The following WDFY3 variants were observed in gnomAD, a reference collection of about 807,000 sequenced individuals.
WDFY3 encodes WD repeat and FYVE domain-containing protein 3.
In WDFY3, 66 loss-of-function variants were observed where a neutral mutation model predicts 409.6. The ratio of observed to expected loss-of-function variants is 0.16; its 90% CI spans 0.13 to 0.20. The LOEUF (loss-of-function observed/expected upper bound fraction) is 0.20. Ranked by LOEUF, WDFY3 falls within the 10% of genes least tolerant of loss-of-function variation. WDFY3 has a pLI of 1.00. For synonymous variants in WDFY3, 1,521 were observed against 1,537.1 expected, an observed-to-expected ratio of 0.99 and a Z score of 0.25; for missense variants, 3,031 against 4,298.1, an observed-to-expected ratio of 0.71 and a Z score of 8.24.
At chr4:84,688,056 C>A in intron 62 of WDFY3, 30 bp downstream of exon 62, 2 of 1,599,408 alleles carry the variant, frequency 1.3e-6, no homozygotes, top group Non-Finnish European at 1.7e-6. Flanking sequence ...ACTTGTTTAC[C>A]TAAACATAAG....
chr4:84,878,757 A>G (rs547710985), intron 3 of WDFY3, among the ~76,000 whole-genome samples: 32 of 152,310 alleles, frequency 2.1e-4, no homozygotes, highest in African/African-American at 7.2e-4. Flanking sequence ...GGAATTTCCC[A>G]GTGTACTCAT....
At chr4:84,849,781 T>C (rs1758628678) in intron 5 of WDFY3, 121 bp downstream of exon 5, 1 of 1,336,454 alleles carries the variant, frequency 7.5e-7, no homozygotes, top group Non-Finnish European at 1.0e-6. Flanking sequence ...GGAAAGGGAA[T>C]GGGTAAATGA....
At chr4:84,693,137 T>C in intron 58 of WDFY3, 105 bp from the exon 59 acceptor site, 1 of 1,170,614 alleles carries the variant, frequency 8.5e-7, no homozygotes. Flanking sequence ...TCACAAGAAC[T>C]ATTAGGTACT....
intron 29 of WDFY3, 106 bp from the exon 30 acceptor site, chr4:84,773,035 C>CTTT: frequency 1.2e-5 from 7 of 590,754 alleles, no homozygotes; most frequent in East Asian, 4.4e-5. Context: ...CAAAACAGTA[C>CTTT]TTTTTTTTTT....
At chr4:84,852,760 T>TC (rs1156847093) in intron 4 of WDFY3, among the ~76,000 whole-genome samples, 1 of 151,390 alleles carries the variant, frequency 6.6e-6, no homozygotes, top group African/African-American at 2.4e-5. Context: ...TAAATAAACC[T>TC]CCCCTTTTTT....
rs180875072 is a variant in WDFY3 at position 84,754,451 on chromosome 4, A to G, written c.5560-575T>C. Among the ~76,000 whole-genome samples the G allele has an allele frequency of 4.3e-3, 660 of 152,368 alleles. 18 individuals carry two copies. The highest frequency in any genetic ancestry group is 0.04 in the Admixed American group (609 of 15,308). ...GGCACCAAAACGAGACTCCTAAAAC[A>G]TTCTAAATTAATACATTTAATGGTA... On this transcript the variant is annotated intron_variant, in intron 34 of 67. Coordinates refer to ENST00000295888, the MANE Select transcript of WDFY3 (RefSeq NM_014991.6).
intron 3 of WDFY3, among the ~76,000 whole-genome samples, chr4:84,869,293 A>C (rs192868488): frequency 1.3e-5 from 2 of 152,202 alleles, no homozygotes; most frequent in African/African-American, 4.8e-5. Flanking sequence ...CACTAGAATC[A>C]CTTATCCTTT....
intron 2 of WDFY3, among the ~76,000 whole-genome samples, chr4:84,907,945 G>A (rs1207757981): frequency 6.6e-6 from 1 of 152,112 alleles, no homozygotes; most frequent in African/African-American, 2.4e-5. Flanking sequence ...AGGAGGAGGA[G>A]GAGAAGCTGT....
chr4:84,762,618 A>G (rs1279642380), intron 32 of WDFY3, among the ~76,000 whole-genome samples: 1 of 150,122 alleles, frequency 6.7e-6, no homozygotes. Flanking sequence ...TATAATAATA[A>G]AAAAAAAAGT....
At chr4:84,820,735 G>C (rs766406332) in intron 11 of WDFY3, among the ~76,000 whole-genome samples, 2 of 151,988 alleles carry the variant, frequency 1.3e-5, no homozygotes, top group Non-Finnish European at 2.9e-5. Flanking sequence ...ATATTTATTA[G>C]TTGTAATTAA....
Position 84,924,608 on chromosome 4 carries a change from T to C in WDFY3, c.-132+7662A>G, listed in dbSNP as rs770554968. Among the ~76,000 whole-genome samples, 91 of 152,316 alleles carry C rather than the reference T, an allele frequency of 6.0e-4. No individual in the cohort carries two copies. In the Middle Eastern group the frequency reaches 0.02, roughly 34 times the overall value. ...AGAAGTTAAGTAGCCCAAGGTCACA[T>C]GCTAGAAACCAGAAAAACCAGGCTT... On this transcript the variant is annotated intron_variant, in intron 2 of 67. Transcript: ENST00000295888.
intron 1 of WDFY3, among the ~76,000 whole-genome samples, chr4:84,962,350 C>T (rs1044345702): frequency 6.6e-6 from 1 of 151,926 alleles, no homozygotes; most frequent in African/African-American, 2.4e-5. Flanking sequence ...CATGTAACAA[C>T]TTAATAAATA....
intron 53 of WDFY3, among the ~76,000 whole-genome samples, chr4:84,706,010 G>C (rs773967150): frequency 5.6e-5 from 8 of 142,626 alleles, no homozygotes; most frequent in African/African-American, 7.8e-5. Flanking sequence ...ATAAAAACTA[G>C]AACACTCAGT....
chr4:84,682,414 T>C lies in WDFY3; in HGVS notation c.9783A>G (p.Glu3261=). The C allele has an allele frequency of 6.2e-7, 1 of 1,614,014 alleles. No homozygotes were observed. The highest frequency in any genetic ancestry group is 8.5e-7 in the Non-Finnish European group (1 of 1,180,012). The part of the protein sequence containing the change: ...VPETPAPEPA[E]VLEMQEDCPE... ...GACAGTCTTCCTGCATTTCTAGGAC[T>C]TCAGCAGGCTCAGGAGCTGGTGTTT... Residue 3261 remains glutamate (E), a synonymous_variant, in exon 64 of 68, where the codon GAA becomes GAG. Transcript: ENST00000295888.
chr4:84,872,400 G>C (rs1362547631), intron 3 of WDFY3, among the ~76,000 whole-genome samples: 2 of 151,764 alleles, frequency 1.3e-5, no homozygotes, highest in Admixed American at 1.3e-4. Context: ...TGGAGGCAGA[G>C]GTTGCAGTGA....
At chr4:84,744,815 T>C (rs1739104529) in intron 36 of WDFY3, among the ~76,000 whole-genome samples, 1 of 121,392 alleles carries the variant, frequency 8.2e-6, no homozygotes, top group African/African-American at 3.3e-5. Context: ...ATCCCGCCAC[T>C]GCACTCCAGC....
intron 41 of WDFY3, among the ~76,000 whole-genome samples, chr4:84,736,579 C>T (rs1737469433): frequency 6.6e-6 from 1 of 152,094 alleles, no homozygotes; most frequent in African/African-American, 2.4e-5. Context: ...GCAAATTTAA[C>T]TATAACGAGT....
intron 2 of WDFY3, among the ~76,000 whole-genome samples, chr4:84,906,298 C>A (rs746383734): frequency 3.3e-5 from 5 of 152,064 alleles, no homozygotes; most frequent in African/African-American, 4.8e-5. Flanking sequence ...TTCTTAAAGA[C>A]CTATGACAAA....
At chr4:84,814,305 C>T (rs1475595558) in intron 13 of WDFY3, among the ~76,000 whole-genome samples, 2 of 152,136 alleles carry the variant, frequency 1.3e-5, no homozygotes, top group African/African-American at 4.8e-5. Context: ...TGCCTTCCCA[C>T]AAGTTGATAT....
Sources: allele counts gnomAD v4.1 joint callset (sites outside exome capture counted in the v4.1 genomes callset), GRCh38; gene constraint gnomAD v4.1.1; transcripts MANE v1.5; gene names NCBI Gene and HGNC (gene_info 2026-07-23, HGNC 2026-07-21).